The following LYPD6 variants were observed in gnomAD, a reference collection of about 807,000 sequenced individuals.
The protein encoded by LYPD6 is LY6/PLAUR domain containing 6.
In LYPD6, 15 loss-of-function variants were observed where a neutral mutation model predicts 22.7. The observed-to-expected ratio is 0.66, with a 90% confidence interval of 0.44 to 1.02. The LOEUF is 1.02. Among genes scored for constraint, LYPD6 ranks in the 50% least tolerant of loss-of-function variants. The probability of loss-of-function intolerance (pLI) is 0.00; values close to 1 mark genes in which losing one functional copy is unlikely to be tolerated. For missense variants in LYPD6, 189 were observed against 208.4 expected, an observed-to-expected ratio of 0.91 and a Z score of 0.57; for synonymous variants, 72 against 77.5, an observed-to-expected ratio of 0.93 and a Z score of 0.37.
At chr2:149,332,585 T>G (rs1390284564) in intron 1 of LYPD6, among the ~76,000 whole-genome samples, 11 of 152,242 alleles carry the variant, frequency 7.2e-5, no homozygotes, top group Admixed American at 6.5e-4. Flanking sequence ...TTTCAAAGAT[T>G]GACTTTTCCA....
chr2:149,449,123 G>A lies in LYPD6; in HGVS notation c.193G>A (p.Ala65Thr), dbSNP rs767241916. The A allele has an allele frequency of 6.2e-7, 1 of 1,612,920 alleles. No individual in the cohort carries two copies. Among genetic ancestry groups the A allele is most frequent in the Non-Finnish European group, 8.5e-7 (1 of 1,179,418 alleles). ...AADNYECNRW[A>T]PDIYCPRETR... Reference sequence around the variant, plus strand: ...AGACAATTATGAGTGCAACCGATGGGCTCCAGACATCTACTGCCCTCGAGG... The same window carrying A: ...AGACAATTATGAGTGCAACCGATGGACTCCAGACATCTACTGCCCTCGAGG... Residue 65 changes from alanine (A) to threonine (T), a missense_variant, in exon 3 of 5, where the codon GCT becomes ACT. Physicochemically the swap from Ala to Thr is moderately conservative, Grantham distance 58. Transcript: ENST00000334166.
intron 1 of LYPD6, among the ~76,000 whole-genome samples, chr2:149,379,870 A>C (rs1682020137): frequency 6.6e-6 from 1 of 152,256 alleles, no homozygotes; most frequent in Non-Finnish European, 1.5e-5. Flanking sequence ...TTCAATCTGC[A>C]GCATGGGTGA....
intron 1 of LYPD6, among the ~76,000 whole-genome samples, chr2:149,338,833 G>A (rs570681683): frequency 4.6e-5 from 7 of 152,302 alleles, no homozygotes; most frequent in African/African-American, 1.7e-4. Context: ...ACTGTAGTCA[G>A]ATTATTCAGT....
At chr2:149,452,850 A>G (rs1181827452) in intron 3 of LYPD6, among the ~76,000 whole-genome samples, 18 of 152,176 alleles carry the variant, frequency 1.2e-4, no homozygotes, top group Non-Finnish European at 2.6e-4. Context: ...CCTGACTGGA[A>G]TCACTCTTTT....
At chr2:149,400,496 A>G (rs1682529483) in intron 1 of LYPD6, among the ~76,000 whole-genome samples, 1 of 152,224 alleles carries the variant, frequency 6.6e-6, no homozygotes, top group Admixed American at 6.5e-5. Context: ...ACGAACAAGT[A>G]TTGTTTAAAC....
intron 1 of LYPD6, among the ~76,000 whole-genome samples, chr2:149,393,901 C>A (rs921316158): frequency 1.3e-5 from 2 of 152,266 alleles, no homozygotes; most frequent in Middle Eastern, 3.4e-3. Context: ...AGTGACAGGG[C>A]GATTTGCTCT....
At chr2:149,448,904 T>C in intron 2 of LYPD6, 145 bp from the exon 3 acceptor site, 1 of 593,990 alleles carries the variant, frequency 1.7e-6, no homozygotes, top group Non-Finnish European at 3.0e-6. Flanking sequence ...AGAGTAAAGT[T>C]GCTGGGTCAT....
intron 1 of LYPD6, among the ~76,000 whole-genome samples, chr2:149,340,880 A>G (rs974614314): frequency 1.8e-4 from 27 of 152,112 alleles, no homozygotes; most frequent in African/African-American, 6.0e-4. Context: ...ACATCCCCCC[A>G]GAATATATTT....
intron 3 of LYPD6, among the ~76,000 whole-genome samples, chr2:149,460,949 A>G (rs145890698): frequency 6.6e-6 from 1 of 152,224 alleles, no homozygotes; most frequent in East Asian, 1.9e-4. Flanking sequence ...ATTAAAACAT[A>G]TGAAAATTTG....
intron 1 of LYPD6, among the ~76,000 whole-genome samples, chr2:149,413,217 A>G (rs945644497): frequency 6.6e-6 from 1 of 152,132 alleles, no homozygotes; most frequent in Non-Finnish European, 1.5e-5. Flanking sequence ...CTCAGTAATT[A>G]TGGCGCCAAC....
chr2:149,393,834 C>T (rs765548576), intron 1 of LYPD6, among the ~76,000 whole-genome samples: 24 of 152,296 alleles, frequency 1.6e-4, no homozygotes, highest in Middle Eastern at 3.4e-3. Context: ...TCTAAGTTCT[C>T]CTGGAATCCA....
At position 149,340,904 on chromosome 2, in the gene LYPD6, A is replaced by G. The variant is rs538394622; in HGVS notation, c.-72+10182A>G. Among the ~76,000 whole-genome samples, 7 of 152,284 alleles carry G rather than the reference A, an allele frequency of 4.6e-5. No individual in the cohort carries two copies. In the East Asian group the frequency reaches 1.4e-3, roughly 29 times the overall value. ...CAGAATATATTTTCTTGCTATGTAGATCTTCACTGTTCTTTGACTCGCCAT... is the reference window on the plus strand; with the variant it reads ...CAGAATATATTTTCTTGCTATGTAGGTCTTCACTGTTCTTTGACTCGCCAT... On this transcript the variant is annotated intron_variant, in intron 1 of 4. Coordinates refer to ENST00000334166, the MANE Select transcript of LYPD6 (RefSeq NM_194317.5).
At chr2:149,444,326 A>G (rs1683633749) in intron 2 of LYPD6, among the ~76,000 whole-genome samples, 1 of 152,132 alleles carries the variant, frequency 6.6e-6, no homozygotes. Context: ...TTGCTGGTGG[A>G]GGGTCTTGCC....
chr2:149,360,888 G>C (rs1466996969), intron 1 of LYPD6, among the ~76,000 whole-genome samples: 1 of 151,986 alleles, frequency 6.6e-6, no homozygotes, highest in African/African-American at 2.4e-5. Flanking sequence ...CCCATTCAAT[G>C]TTCCTAATTT....
chr2:149,480,669 A>G, the LYPD6 span, among the ~76,000 whole-genome samples: 1 of 152,050 alleles, frequency 6.6e-6, no homozygotes, highest in Non-Finnish European at 1.5e-5. Context: ...CATCACTTGC[A>G]GTGTTATTGC....
chr2:149,458,536 A>G (rs1316521869), intron 3 of LYPD6, among the ~76,000 whole-genome samples: 3 of 152,206 alleles, frequency 2.0e-5, no homozygotes, highest in African/African-American at 4.8e-5. Flanking sequence ...CCAGGCTTCA[A>G]TAAAAAAAAC....
In LYPD6 at chr2:149,413,772, G is replaced by A. The variant is rs566762592; in HGVS notation, c.-71-23866G>A. ...TTCACATATCTACTTTGTGGCACAA[G>A]GACAGTACCTGGCAATTGATTTGCT... is the stretch of plus-strand genomic sequence containing the variant. On this transcript the variant is annotated intron_variant, in intron 1 of 4. Coordinates refer to ENST00000334166, the MANE Select transcript of LYPD6 (RefSeq NM_194317.5). Among the ~76,000 whole-genome samples the A allele has an allele frequency of 3.9e-5, 6 of 152,318 alleles. No homozygotes were observed. The South Asian group carries it at 1.0e-3, about 26-fold the overall frequency.
chr2:149,394,230 G>T (rs987238697), intron 1 of LYPD6, among the ~76,000 whole-genome samples: 14 of 152,148 alleles, frequency 9.2e-5, no homozygotes, highest in African/African-American at 3.4e-4. Flanking sequence ...CTGGATGGAG[G>T]TGATTTTAGA....
chr2:149,416,221 C>T (rs773285895), intron 1 of LYPD6, among the ~76,000 whole-genome samples: 1 of 152,180 alleles, frequency 6.6e-6, no homozygotes, highest in African/African-American at 2.4e-5. Context: ...CCTTCCTGAG[C>T]TGCCCACTCT....
Sources: allele counts gnomAD v4.1 joint callset (sites outside exome capture counted in the v4.1 genomes callset), GRCh38; gene constraint gnomAD v4.1.1; transcripts MANE v1.5; gene names NCBI Gene and HGNC (gene_info 2026-07-23, HGNC 2026-07-21).